Variants in FUBP3 observed in about 807,000 individuals in gnomAD.
FUBP3 encodes far upstream element-binding protein 3.
FUBP3 carries 28 observed loss-of-function variants against 85.6 expected under a neutral mutation model. That is an observed-to-expected ratio of 0.33 (90% CI 0.24 to 0.45). The LOEUF (loss-of-function observed/expected upper bound fraction) is 0.45. FUBP3 is among the 20% of genes least tolerant of loss of function. The probability of loss-of-function intolerance (pLI) is 1.00; values close to 1 mark genes in which losing one functional copy is unlikely to be tolerated. For synonymous variants in FUBP3, 271 were observed against 271.4 expected, an observed-to-expected ratio of 1.00 and a Z score of 0.01; for missense variants, 583 against 755.1, an observed-to-expected ratio of 0.77 and a Z score of 2.67.
At chr9:130,606,832 A>C (rs1174314739) in intron 2 of FUBP3, among the ~76,000 whole-genome samples, 3 of 152,120 alleles carry the variant, frequency 2.0e-5, no homozygotes, top group Non-Finnish European at 4.4e-5. Flanking sequence ...GGAAAAAAAA[A>C]AAGCTGATGT....
At position 130,594,309 on chromosome 9, in the gene FUBP3, G is replaced by A. The variant is rs189113387; in HGVS notation, c.85-1174G>A. The stretch of plus-strand genomic sequence containing the variant: ...TAAAAATTAAAAAAATAGGCCAGGC[G>A]CTGTGGCTCATGCTTGTAATCCCAG... On this transcript the variant is annotated intron_variant, in intron 1 of 18. Coordinates refer to ENST00000319725, the MANE Select transcript of FUBP3 (RefSeq NM_003934.2). Among the ~76,000 whole-genome samples the A allele has an allele frequency of 5.3e-5, 8 of 151,904 alleles. No individual in the cohort carries two copies. The East Asian group carries it at 9.8e-4, about 19-fold the overall frequency.
At chr9:130,606,392 C>A (rs1026293234) in intron 2 of FUBP3, among the ~76,000 whole-genome samples, 5 of 152,288 alleles carry the variant, frequency 3.3e-5, no homozygotes, top group East Asian at 3.9e-4. Flanking sequence ...CTCCCCACCC[C>A]CCCCCAACAG....
intron 16 of FUBP3, among the ~76,000 whole-genome samples, chr9:130,633,696 C>T (rs1167030366): frequency 6.6e-6 from 1 of 152,242 alleles, no homozygotes; most frequent in South Asian, 2.1e-4. Context: ...GCGCCCTCCG[C>T]GTCCGAGGGA....
chr9:130,599,575 T>A (rs371492305), intron 2 of FUBP3, among the ~76,000 whole-genome samples: 1 of 152,090 alleles, frequency 6.6e-6, no homozygotes, highest in Non-Finnish European at 1.5e-5. Flanking sequence ...GTTTGAAAGC[T>A]TGCCTGAATG....
chr9:130,622,318 T>TC (rs1450715660), intron 9 of FUBP3, among the ~76,000 whole-genome samples: 1 of 78,762 alleles, frequency 1.3e-5, no homozygotes, highest in Admixed American at 1.8e-4. Flanking sequence ...AGACTCCATC[T>TC]CCAAAAAAAA....
At chr9:130,630,416 G>T (rs1830164714) in intron 12 of FUBP3, among the ~76,000 whole-genome samples, 1 of 152,244 alleles carries the variant, frequency 6.6e-6, no homozygotes, top group Non-Finnish European at 1.5e-5. Context: ...AGAAAGTCCA[G>T]CTTCACTCCA....
chr9:130,580,403 T>C (rs1278767235), intron 1 of FUBP3, among the ~76,000 whole-genome samples: 2 of 152,186 alleles, frequency 1.3e-5, no homozygotes, highest in African/African-American at 4.8e-5. Flanking sequence ...AAAGTTAAAT[T>C]AACTGGGTTT....
chr9:130,619,881 T>G (rs1829668468), intron 8 of FUBP3, among the ~76,000 whole-genome samples: 1 of 152,254 alleles, frequency 6.6e-6, no homozygotes, highest in South Asian at 2.1e-4. Context: ...AGCCTTTTCT[T>G]TTTAACTTAC....
In FUBP3 at chr9:130,635,076, T is replaced by C. The variant is rs929162531; in HGVS notation, c.1582+338T>C. Reference sequence around the variant, plus strand: ...TCCTTAGGGACTGAAAGATTCCGGCTGGGTGCCACCTGGCCGGCAAACAGA... The same window carrying C: ...TCCTTAGGGACTGAAAGATTCCGGCCGGGTGCCACCTGGCCGGCAAACAGA... On this transcript the variant is annotated intron_variant, in intron 17 of 18. Transcript: ENST00000319725. This position sits in a 1 kb window ranked among gnomAD's most constrained non-coding sequence, Gnocchi z 4.3. Among the ~76,000 whole-genome samples, 7 of 152,152 alleles carry C rather than the reference T, an allele frequency of 4.6e-5. No individual in the cohort carries two copies. The highest frequency in any genetic ancestry group is 1.4e-4 in the African/African-American group (6 of 41,426).
intron 18 of FUBP3, 44 bp downstream of exon 18, chr9:130,636,170 A>G (rs776000500): frequency 1.3e-6 from 2 of 1,595,950 alleles, no homozygotes; most frequent in East Asian, 4.5e-5. Context: ...CCTAGCCCCG[A>G]GCCCCTGCTC....
At chr9:130,606,516 G>A (rs966441848) in intron 2 of FUBP3, among the ~76,000 whole-genome samples, 1 of 152,170 alleles carries the variant, frequency 6.6e-6, no homozygotes, top group Non-Finnish European at 1.5e-5. Context: ...TGGGAGTGGG[G>A]GTATAACTAT....
At chr9:130,590,487 G>GCCT (rs912995304) in intron 1 of FUBP3, among the ~76,000 whole-genome samples, 2 of 152,168 alleles carry the variant, frequency 1.3e-5, no homozygotes, top group African/African-American at 4.8e-5. Context: ...TAACCCATTT[G>GCCT]CCTCCCCCTG....
chr9:130,600,278 G>T (rs1831091441), intron 2 of FUBP3, among the ~76,000 whole-genome samples: 2 of 152,040 alleles, frequency 1.3e-5, no homozygotes, highest in African/African-American at 2.4e-5. Context: ...ACCTCTCCTA[G>T]CAGAGCCTAC....
At chr9:130,588,459 T>A (rs188175026) in intron 1 of FUBP3, among the ~76,000 whole-genome samples, 5 of 152,308 alleles carry the variant, frequency 3.3e-5, no homozygotes, top group Non-Finnish European at 7.3e-5. Flanking sequence ...GGTATTTTAG[T>A]GTCCGAAAGT....
rs1328900913 is a variant in FUBP3 at position 130,620,385 on chromosome 9, G to A, written c.698G>A (p.Arg233Gln). The change falls in exon 9 of 19, where the codon CGA (arginine) becomes CAA (glutamine). Residue 233 changes from arginine to glutamine, a missense_variant. Arg to Gln is a conservative substitution (Grantham distance 43). Around this residue, in one of 3 missense-constraint regions of FUBP3, gnomAD observed 404 missense variants for 516.8 expected, o/e 0.78. Transcript: ENST00000319725. ...QAREMVLEII[R>Q]EKDQADFRGV... ...AGAGAAATGGTACTAGAGATTATCC[G>A]AGAAAAAGACCAAGCTGACTTTCGG... 4 of 1,603,272 alleles carry A rather than the reference G, an allele frequency of 2.5e-6. No homozygotes were observed. The highest frequency in any genetic ancestry group is 2.2e-5 in the South Asian group (2 of 89,318).
Position 130,617,915 on chromosome 9 carries a change from T to C in FUBP3, c.666+20T>C. 6 of 1,254,470 alleles carry C rather than the reference T, an allele frequency of 4.8e-6. No homozygotes were observed. Among genetic ancestry groups the C allele is most frequent in the Non-Finnish European group, 7.0e-6 (6 of 859,380 alleles). The allele number at this position is 1,254,470 out of a possible 1,614,324, so 77.7% of individuals were successfully genotyped here. A position where few individuals can be genotyped will look rare whatever the true frequency, so the allele number is the denominator to read the frequency against. ...GTACAGGTAGGAAAGTGCCATGGGT[T>C]GGGTGAGTCCTGGCTGTTGGGGCTA... On this transcript the variant is annotated intron_variant, in intron 8 of 18. Transcript: ENST00000319725.
intron 13 of FUBP3, chr9:130,631,333 G>A (rs1295675509): frequency 5.0e-6 from 7 of 1,403,988 alleles, no homozygotes; most frequent in Non-Finnish European, 6.5e-6. Context: ...GGCAGTTGTG[G>A]TGGTGCCAGG....
At chr9:130,625,997 G>A (rs1431986409) in intron 11 of FUBP3, among the ~76,000 whole-genome samples, 1 of 152,220 alleles carries the variant, frequency 6.6e-6, no homozygotes, top group African/African-American at 2.4e-5. Flanking sequence ...GCAGGAAAGA[G>A]GGGCCTCAGC....
Position 130,626,577 on chromosome 9 carries a change from C to T in FUBP3, c.1117+72C>T. On this transcript the variant is annotated intron_variant, in intron 12 of 18. Coordinates refer to ENST00000319725, the MANE Select transcript of FUBP3 (RefSeq NM_003934.2). Reference sequence around the variant, plus strand: ...GAGGGAAGGCAGGTCACGGGACCTCCAGAACCTTTGGTGAGGTCCCTTTGC... The same window carrying T: ...GAGGGAAGGCAGGTCACGGGACCTCTAGAACCTTTGGTGAGGTCCCTTTGC... 4.0e-6 allele frequency: 6 copies of T among 1,508,300 alleles called. No homozygotes were observed. In the African/African-American group the frequency reaches 4.1e-5, roughly 10 times the overall value. 93.4% of individuals were successfully genotyped at this position (1,508,300 alleles called of 1,614,324 possible).
Sources: gnomAD v4.1 joint callset for allele counts (sites outside exome capture counted in the v4.1 genomes callset) on GRCh38, gnomAD v4.1.1 for gene constraint, gnomAD v4.1.1 regional missense constraint, Gnocchi (gnomAD v3.1) non-coding constraint, MANE v1.5 for transcripts, NCBI Gene and HGNC (gene_info 2026-07-23, HGNC 2026-07-21) for gene names.